The following ANKK1 variants were observed in gnomAD, a reference collection of about 807,000 sequenced individuals.
ANKK1 encodes the protein ankyrin repeat and kinase domain containing 1.
A neutral mutation model predicts 37.6 loss-of-function variants in ANKK1; 37 were observed. The ratio of observed to expected loss-of-function variants is 0.98; its 90% CI spans 0.76 to 1.29. The LOEUF is 1.29. ANKK1 is among the 50% of genes most tolerant of loss of function. ANKK1 has a pLI of 0.00. For missense variants in ANKK1, 1,019 were observed against 990.6 expected, an observed-to-expected ratio of 1.03 and a Z score of -0.39; for synonymous variants, 415 against 418.7, an observed-to-expected ratio of 0.99 and a Z score of 0.11.
In ANKK1 at chr11:113,393,769, T is replaced by C. The variant is rs780862065; in HGVS notation, c.474T>C (p.His158=). The change falls in exon 2 of 8, where the codon CAT becomes CAC. Residue 158 remains histidine (H), a synonymous_variant. Coordinates refer to ENST00000303941, the MANE Select transcript of ANKK1 (RefSeq NM_178510.2). Reference sequence around the variant, plus strand: ...ACATACTCCTGGACAGCAACATGCATGTCAAAGTAAGGGCTCTGGCCAATC... The same window carrying C: ...ACATACTCCTGGACAGCAACATGCACGTCAAAGTAAGGGCTCTGGCCAATC... ...PGNILLDSNM[H]VKISDFGLSK... is the part of the protein sequence containing the mutation. The C allele has an allele frequency of 3.7e-6, 6 of 1,600,622 alleles. No homozygotes were observed. The highest frequency in any genetic ancestry group is 3.3e-5 in the South Asian group (3 of 90,530).
In ANKK1 at chr11:113,399,412, C is replaced by G; in HGVS notation, c.1443C>G (p.Val481=). The change falls in exon 8 of 8, where the codon GTC becomes GTG. Residue 481 remains valine (V), a synonymous_variant. Coordinates refer to ENST00000303941, the MANE Select transcript of ANKK1 (RefSeq NM_178510.2). ...NNFENVARLL[V]SRQADPNLHE... The stretch of plus-strand genomic sequence containing the variant: ...TTGAGAATGTGGCACGGCTTCTGGT[C>G]TCCCGTCAGGCTGACCCCAACCTGC... 6.2e-7 allele frequency: 1 copy of G among 1,600,252 alleles called. No individual in the cohort carries two copies. Among genetic ancestry groups the G allele is most frequent in the Non-Finnish European group, 8.5e-7 (1 of 1,173,816 alleles).
At chr11:113,396,019 T>A in intron 4 of ANKK1, 48 bp from the exon 5 acceptor site, 2 of 1,599,892 alleles carry the variant, frequency 1.3e-6, no homozygotes, top group Non-Finnish European at 1.7e-6. Context: ...CCAGCTCCCC[T>A]CCAGCCCTAC....
rs1225059164 is a variant in ANKK1 at position 113,387,937 on chromosome 11, G to A, written c.53G>A (p.Arg18His). The change falls in exon 1 of 8, where the codon CGC becomes CAC. Residue 18 changes from arginine (R) to histidine (H), a missense_variant. Arg to His is a conservative substitution (Grantham distance 29). Transcript: ENST00000303941. Reference sequence around the variant, plus strand: ...CTGGGCAGCCTCCCCGTCTTCACCCGCGACGACTTCGAGGGCGACTGGCGC... The same window carrying A: ...CTGGGCAGCCTCCCCGTCTTCACCCACGACGACTTCGAGGGCGACTGGCGC... ...LRLGSLPVFT[R>H]DDFEGDWRLV... 1.3e-6 allele frequency: 2 copies of A among 1,572,700 alleles called. No homozygotes were observed. The highest frequency in any genetic ancestry group is 2.7e-5 in the African/African-American group (2 of 74,200).
At chr11:113,392,391 G>A (rs566056674) in intron 1 of ANKK1, among the ~76,000 whole-genome samples, 2 of 152,318 alleles carry the variant, frequency 1.3e-5, no homozygotes, top group African/African-American at 4.8e-5. Flanking sequence ...AAGTGAACAA[G>A]AATAGGAGAA....
Position 113,387,986 on chromosome 11 carries a change from C to T in ANKK1, c.102C>T (p.Ser34=). The T allele has an allele frequency of 6.4e-7, 1 of 1,570,074 alleles. No individual in the cohort carries two copies. The highest frequency in any genetic ancestry group is 8.6e-7 in the Non-Finnish European group (1 of 1,163,804). The change falls in exon 1 of 8, where the codon AGC becomes AGT. Residue 34 remains serine, a synonymous_variant. Coordinates refer to ENST00000303941, the MANE Select transcript of ANKK1 (RefSeq NM_178510.2). ...DWRLVASGGF[S]QVFQARHRRW... ...GCCTAGTGGCCAGCGGCGGCTTCAG[C>T]CAGGTGTTCCAGGCGCGGCACAGGC... is the stretch of plus-strand genomic sequence containing the variant.
At chr11:113,390,565 T>G (rs1159368161) in intron 1 of ANKK1, among the ~76,000 whole-genome samples, 1 of 152,100 alleles carries the variant, frequency 6.6e-6, no homozygotes, top group Non-Finnish European at 1.5e-5. Context: ...TGAAACTCCA[T>G]CTCTACTAAA....
chr11:113,397,470 G>C, intron 6 of ANKK1, 128 bp downstream of exon 6: 2 of 710,052 alleles, frequency 2.8e-6, no homozygotes, highest in Non-Finnish European at 4.6e-6. Flanking sequence ...TCCATCCAGA[G>C]GGGACACATT....
chr11:113,390,163 G>A (rs1179507228), intron 1 of ANKK1, among the ~76,000 whole-genome samples: 2 of 152,180 alleles, frequency 1.3e-5, no homozygotes, highest in South Asian at 2.1e-4. Flanking sequence ...CCACTAAAAT[G>A]TCCACTCCAT....
At chr11:113,396,011 A>C in intron 4 of ANKK1, 56 bp from the exon 5 acceptor site, 2 of 1,589,424 alleles carry the variant, frequency 1.3e-6, no homozygotes, top group Non-Finnish European at 8.6e-7. Flanking sequence ...CTTCCTCCCC[A>C]GCTCCCCTCC....
At chr11:113,388,760 A>T (rs1014061116) in intron 1 of ANKK1, among the ~76,000 whole-genome samples, 3 of 152,102 alleles carry the variant, frequency 2.0e-5, no homozygotes, top group Non-Finnish European at 4.4e-5. Flanking sequence ...CGTTTCCATT[A>T]TTCTCTGTCT....
At chr11:113,395,831 A>G (rs1950633019) in intron 4 of ANKK1, among the ~76,000 whole-genome samples, 1 of 152,222 alleles carries the variant, frequency 6.6e-6, no homozygotes, top group South Asian at 2.1e-4. Context: ...CAGACCTGCA[A>G]TGTGGGGTCA....
At position 113,392,862 on chromosome 11, in the gene ANKK1, G is replaced by A. The variant is rs551851449; in HGVS notation, c.186-619G>A. 8.5e-5 allele frequency among the ~76,000 whole-genome samples: 13 copies of A among 152,260 alleles called. No individual in the cohort carries two copies. The South Asian group carries it at 1.5e-3, about 17-fold the overall frequency. ...AGAACAGCAGTGTGGGGAAGTGCTC[G>A]TGCTCCACATACTATGTGATCCAAA... On this transcript the variant is annotated intron_variant, in intron 1 of 7. Transcript: ENST00000303941.
intron 1 of ANKK1, among the ~76,000 whole-genome samples, chr11:113,391,525 C>T (rs1950587210): frequency 1.3e-5 from 2 of 152,006 alleles, no homozygotes. Flanking sequence ...CAGCTTGTTG[C>T]TCGACAGTAT....
intron 4 of ANKK1, 75 bp downstream of exon 4, chr11:113,395,483 G>A: frequency 2.0e-6 from 3 of 1,521,680 alleles, no homozygotes; most frequent in Admixed American, 1.8e-5. Context: ...GGCTGTGGGA[G>A]GACTGAGGGT....
rs866797831 is a variant in ANKK1 at position 113,387,793 on chromosome 11, G to T, written c.-92G>T. The T allele has an allele frequency of 3.9e-5, 54 of 1,384,578 alleles. No homozygotes were observed. In the East Asian group the frequency reaches 1.3e-3, roughly 34 times the overall value. The allele number at this position is 1,384,578 out of a possible 1,614,324, so 85.8% of individuals were successfully genotyped here. On this transcript the variant is annotated 5_prime_UTR_variant, in exon 1 of 8. Transcript: ENST00000303941. ...CTCGTCTCCCCATTCCCCTCTCCCGGACCCGAGGAGCAGGAAGCGGCGGCT... is the reference window on the plus strand; with the variant it reads ...CTCGTCTCCCCATTCCCCTCTCCCGTACCCGAGGAGCAGGAAGCGGCGGCT...
At position 113,399,905 on chromosome 11, in the gene ANKK1, C is replaced by T; in HGVS notation, c.1936C>T (p.Leu646=). ...GGAGGAGGCGGTGGTGTCAGCACTG[C>T]TGCAGTGTGGGGCTGACCCCAATGC... ...HGEEAVVSAL[L]QCGADPNAAE... The change falls in exon 8 of 8, where the codon CTG becomes TTG. Residue 646 remains leucine (L), a synonymous_variant. Transcript: ENST00000303941. 1 of 1,613,502 alleles carries T rather than the reference C, an allele frequency of 6.2e-7. No homozygotes were observed. The highest frequency in any genetic ancestry group is 8.5e-7 in the Non-Finnish European group (1 of 1,179,874).
intron 4 of ANKK1, 105 bp downstream of exon 4, chr11:113,395,513 G>C: frequency 3.3e-6 from 4 of 1,228,950 alleles, no homozygotes; most frequent in Non-Finnish European, 4.7e-6. Flanking sequence ...TCAAGTTGCA[G>C]GTTTGTGTGG....
At chr11:113,390,596 G>A (rs556827862) in intron 1 of ANKK1, among the ~76,000 whole-genome samples, 5 of 152,216 alleles carry the variant, frequency 3.3e-5, no homozygotes, top group Admixed American at 6.5e-5. Flanking sequence ...TTAGCTGGGC[G>A]TGGTGGTGGG....
At chr11:113,395,274 G>A (rs2138130981) in intron 3 of ANKK1, 85 bp from the exon 4 acceptor site, 3 of 1,556,506 alleles carry the variant, frequency 1.9e-6, no homozygotes, top group East Asian at 2.3e-5. Context: ...TGTGTGAACT[G>A]TAGCCCCCCG....
Sources: gnomAD v4.1 joint callset for allele counts (sites outside exome capture counted in the v4.1 genomes callset) on GRCh38, gnomAD v4.1.1 for gene constraint, MANE v1.5 for transcripts, NCBI Gene and HGNC (gene_info 2026-07-23, HGNC 2026-07-21) for gene names.